The following NLRP12 variants were observed in gnomAD, a reference collection of about 807,000 sequenced individuals.
The protein encoded by NLRP12 is NLR family pyrin domain containing 12.
Under a neutral mutation model 91.2 loss-of-function variants are expected in NLRP12, and 108 were observed. The ratio of observed to expected loss-of-function variants is 1.18; its 90% CI spans 1.01 to 1.39. The LOEUF is 1.39. Ranked by LOEUF, NLRP12 falls within the 40% of genes most tolerant of loss-of-function variation. The pLI is 0.00. For synonymous variants in NLRP12, 613 were observed against 566.7 expected, an observed-to-expected ratio of 1.08 and a Z score of -1.16; for missense variants, 1,530 against 1,352.7, an observed-to-expected ratio of 1.13 and a Z score of -2.06.
At chr19:53,804,744 T>C (rs1169341073) in intron 5 of NLRP12, among the ~76,000 whole-genome samples, 1 of 150,840 alleles carries the variant, frequency 6.6e-6, no homozygotes, top group East Asian at 2.0e-4. Flanking sequence ...AAAATTTTTG[T>C]AGGTCGAGTG....
At position 53,803,721 on chromosome 19, in the gene NLRP12, G is replaced by A. The variant is rs1168084117; in HGVS notation, c.2585+231C>T. The A allele has an allele frequency of 9.9e-6, 5 of 505,786 alleles. No individual in the cohort carries two copies. The Admixed American group carries it at 1.2e-4, about 12-fold the overall frequency. 31.3% of individuals were successfully genotyped at this position (505,786 alleles called of 1,614,324 possible). A position where few individuals can be genotyped will look rare whatever the true frequency, so the allele number is the denominator to read the frequency against. Reference sequence around the variant, plus strand: ...CCTGAGTAGCTGTGATTACAGGCGTGTGCCACCACATCCAGCTAATTTTTG... The same window carrying A: ...CCTGAGTAGCTGTGATTACAGGCGTATGCCACCACATCCAGCTAATTTTTG... On this transcript the variant is annotated intron_variant, in intron 6 of 9. Coordinates refer to ENST00000324134, the MANE Select transcript of NLRP12 (RefSeq NM_144687.4).
chr19:53,819,451 ATATATATGTG>A (rs1424236262), intron 1 of NLRP12, among the ~76,000 whole-genome samples: 3 of 10,730 alleles, frequency 2.8e-4, no homozygotes, highest in Admixed American at 9.1e-4. Context: ...ATATATATAT[ATATATATGTG>A]TGTGTGTGTG....
At position 53,807,663 on chromosome 19, in the gene NLRP12, G is replaced by A; in HGVS notation, c.2075C>T (p.Pro692Leu). The A allele has an allele frequency of 6.2e-7, 1 of 1,614,090 alleles. No individual in the cohort carries two copies. The highest frequency in any genetic ancestry group is 8.5e-7 in the Non-Finnish European group (1 of 1,180,018). ...AGAHTLLVQLPERTVLLDAYS... is the reference protein window; with the variant it reads ...AGAHTLLVQLLERTVLLDAYS... The stretch of plus-strand genomic sequence containing the variant: ...GGCGTCCAGCAGAACGGTCCTCTCT[G>A]GTCTGCTTGAAGGAAAGACAGGCCA... The change falls in exon 4 of 10, where the codon CCA (proline) becomes CTA (leucine). Residue 692 changes from proline to leucine, a missense_variant and splice_region_variant. Coordinates refer to ENST00000324134, the MANE Select transcript of NLRP12 (RefSeq NM_144687.4).
chr19:53,817,111 G>A (rs1265934956), intron 1 of NLRP12, among the ~76,000 whole-genome samples: 2 of 150,840 alleles, frequency 1.3e-5, no homozygotes, highest in Non-Finnish European at 2.9e-5. Flanking sequence ...GTAACACGGT[G>A]AAACCCCGTC....
intron 6 of NLRP12, 22 bp downstream of exon 6, chr19:53,803,928 TAG>T: frequency 6.2e-7 from 1 of 1,610,380 alleles, no homozygotes. Flanking sequence ...CATTTTATTA[TAG>T]TTGACCCCAG....
At chr19:53,808,369 CTTGGGACCA>C (rs897866803) in intron 3 of NLRP12, 1 of 161,494 alleles carries the variant, frequency 6.2e-6, no homozygotes, top group Non-Finnish European at 1.4e-5. Flanking sequence ...TGCGTGCTCT[CTTGGGACCA>C]TTGGCTTATT....
chr19:53,804,909 A>G (rs2091933024), intron 5 of NLRP12, among the ~76,000 whole-genome samples: 1 of 152,008 alleles, frequency 6.6e-6, no homozygotes, highest in East Asian at 2.0e-4. Flanking sequence ...GGGTGCCTGT[A>G]ATCCCAGCTA....
chr19:53,809,528 A>AAAC lies in NLRP12; in HGVS notation c.2072+58_2072+59insGTT, dbSNP rs1460012733. 1.4e-5 allele frequency: 19 copies of AAAC among 1,318,734 alleles called. No individual in the cohort carries two copies. In the Admixed American group the frequency reaches 2.5e-4, roughly 18 times the overall value. 81.7% of individuals were successfully genotyped at this position (1,318,734 alleles called of 1,614,324 possible). On this transcript the variant is annotated intron_variant, in intron 3 of 9. Coordinates refer to ENST00000324134, the MANE Select transcript of NLRP12 (RefSeq NM_144687.4). Reference sequence around the variant, plus strand: ...CCTAGGCAACAGAGCAAAAAAAAAAAAAAAAAAAAAAAACACACGAACCTA... The same window carrying AAAC: ...CCTAGGCAACAGAGCAAAAAAAAAAAAACAAAAAAAAAAAAACACACGAACCTA...
chr19:53,812,991 C>T (rs2092100598), intron 2 of NLRP12, among the ~76,000 whole-genome samples: 1 of 151,440 alleles, frequency 6.6e-6, no homozygotes, highest in Non-Finnish European at 1.5e-5. Flanking sequence ...AGTGATTCTC[C>T]TGCCTCAGTC....
intron 6 of NLRP12, among the ~76,000 whole-genome samples, chr19:53,801,641 C>G (rs779912095): frequency 9.9e-5 from 15 of 151,420 alleles, no homozygotes; most frequent in Non-Finnish European, 2.1e-4. Flanking sequence ...TTAGTAGAGA[C>G]AGGGTTTCTC....
chr19:53,807,401 G>A (rs554994959), intron 4 of NLRP12, 94 bp downstream of exon 4: 6 of 1,297,704 alleles, frequency 4.6e-6, no homozygotes, highest in East Asian at 5.0e-5. Context: ...CGTAGCCAAC[G>A]AATACACCAT....
At position 53,801,340 on chromosome 19, in the gene NLRP12, A is replaced by C. The variant is rs2091867183; in HGVS notation, c.2643T>G (p.Ser881Arg). The C allele has an allele frequency of 6.2e-7, 1 of 1,613,698 alleles. No homozygotes were observed. The highest frequency in any genetic ancestry group is 1.3e-5 in the African/African-American group (1 of 74,810). The change falls in exon 7 of 10, where the codon AGT (serine) becomes AGG (arginine). Residue 881 changes from serine to arginine, a missense_variant. By Grantham distance (110) the Ser-to-Arg change is moderately radical. Transcript: ENST00000324134. Reference sequence around the variant, plus strand: ...CCAGCTCTCTCAGGCTCTGGTTCACACTGAGAGTTGAGGCCAGCTCGTCAC... The same window carrying C: ...CCAGCTCTCTCAGGCTCTGGTTCACCCTGAGAGTTGAGGCCAGCTCGTCAC... ...AACDELASTL[S>R]VNQSLRELDL...
chr19:53,818,765 G>A (rs946222982), intron 1 of NLRP12, among the ~76,000 whole-genome samples: 5 of 152,270 alleles, frequency 3.3e-5, no homozygotes, highest in South Asian at 2.1e-4. Context: ...GGCATGCCGC[G>A]AGAACCAGCC....
chr19:53,813,412 C>T (rs983905772), intron 2 of NLRP12, among the ~76,000 whole-genome samples: 5 of 150,350 alleles, frequency 3.3e-5, no homozygotes, highest in Non-Finnish European at 5.9e-5. Flanking sequence ...CACCATTCTC[C>T]TGCCTCAGCC....
Position 53,795,972 on chromosome 19 carries a change from C to T in NLRP12, c.2985G>A (p.Gly995=), listed in dbSNP as rs776090826. ...KACENLYFTL[G]INQTLTDLYL... is the part of the protein sequence containing the mutation. Reference sequence around the variant, plus strand: ...AAAGGTCGGTCAAGGTCTGGTTGATCCCCAGGGTGAAGTAAAGATTCTCAC... The same window carrying T: ...AAAGGTCGGTCAAGGTCTGGTTGATTCCCAGGGTGAAGTAAAGATTCTCAC... Residue 995 remains glycine (G), a synonymous_variant, in exon 9 of 10, where the codon GGG becomes GGA. Coordinates refer to ENST00000324134, the MANE Select transcript of NLRP12 (RefSeq NM_144687.4). 54 of 1,613,990 alleles carry T rather than the reference C, an allele frequency of 3.3e-5. No homozygotes were observed. The highest frequency in any genetic ancestry group is 4.2e-5 in the Non-Finnish European group (50 of 1,180,006).
Position 53,803,979 on chromosome 19 carries a change from T to TGCCTCAGTCCCTGGCATAGTA in NLRP12, c.2537_2557dup (p.Leu846_Arg852dup). The TGCCTCAGTCCCTGGCATAGTA allele has an allele frequency of 6.2e-7, 1 of 1,614,124 alleles. No individual in the cohort carries two copies. The highest frequency in any genetic ancestry group is 2.2e-5 in the East Asian group (1 of 44,876). ...CAAAGTCCGTAGTCTGCAGACTGGGTGCCTCAGTCCCTGGCATAGTAACCT... is the reference window on the plus strand; with the variant it reads ...CAAAGTCCGTAGTCTGCAGACTGGGTGCCTCAGTCCCTGGCATAGTAGCCTCAGTCCCTGGCATAGTAACCT... On this transcript the variant is annotated inframe_insertion, in exon 6 of 10. Coordinates refer to ENST00000324134, the MANE Select transcript of NLRP12 (RefSeq NM_144687.4).
chr19:53,819,447 ATATATATATATGTGTGTG>A (rs1425147342), intron 1 of NLRP12, among the ~76,000 whole-genome samples: 3 of 17,090 alleles, frequency 1.8e-4, no homozygotes, highest in East Asian at 3.7e-3. Context: ...ATATATATAT[ATATATATATATGTGTGTG>A]TGTGTGTGTG....
rs1323085452 is a variant in NLRP12, at chr19:53,807,918, T to C, written c.2073-253A>G. The C allele has an allele frequency of 1.3e-5, 6 of 454,618 alleles. No individual in the cohort carries two copies. In the East Asian group the frequency reaches 3.1e-4, roughly 23 times the overall value. The allele number at this position is 454,618 out of a possible 1,614,324, so 28.2% of individuals were successfully genotyped here. On this transcript the variant is annotated intron_variant, in intron 3 of 9. Transcript: ENST00000324134. ...GGCATGAGCCACCACGCCCAGTTAA[T>C]TTTGTATTTTTAGTAGAGATGGGGT...
chr19:53,819,543 A>ATATATATGCG lies in NLRP12; in HGVS notation c.289+4342_289+4343insCGCATATATA, dbSNP rs1555799044. The stretch of plus-strand genomic sequence containing the variant: ...TGTATATATGTGTGTATGTATACGT[A>ATATATATGCG]TATATATGTATGTATACGTATATAT... On this transcript the variant is annotated intron_variant, in intron 1 of 9. Transcript: ENST00000324134. 2.1e-3 allele frequency among the ~76,000 whole-genome samples: 66 copies of ATATATATGCG among 31,202 alleles called. 9 individuals carry two copies. The highest frequency in any genetic ancestry group is 7.3e-3 in the African/African-American group (62 of 8,452). The allele number at this position is 31,202 out of a possible 152,430, so 20.5% of individuals were successfully genotyped here.
Sources: allele counts gnomAD v4.1 joint callset (sites outside exome capture counted in the v4.1 genomes callset), GRCh38; gene constraint gnomAD v4.1.1; transcripts MANE v1.5; gene names NCBI Gene and HGNC (gene_info 2026-07-23, HGNC 2026-07-21).